Variants in ADGRV1 observed in about 807,000 individuals in gnomAD.
ADGRV1 encodes the protein adhesion G protein-coupled receptor V1.
ADGRV1 carries 359 observed loss-of-function variants against 596.2 expected under a neutral mutation model. The observed-to-expected ratio is 0.60, with a 90% confidence interval of 0.55 to 0.66. The LOEUF is 0.66. ADGRV1 is among the 30% of genes least tolerant of loss of function. The pLI is 0.00. For missense variants in ADGRV1, 7,274 were observed against 7,575.6 expected, an observed-to-expected ratio of 0.96 and a Z score of 1.48; for synonymous variants, 2,681 against 2,679.2, an observed-to-expected ratio of 1.00 and a Z score of -0.02.
chr5:90,600,060 A>T (rs916603263), intron 1 of ADGRV1, among the ~76,000 whole-genome samples: 2 of 152,210 alleles, frequency 1.3e-5, no homozygotes, highest in Non-Finnish European at 2.9e-5. Context: ...AGATAATATG[A>T]CACGCAAATA....
intron 28 of ADGRV1, among the ~76,000 whole-genome samples, chr5:90,685,055 A>G (rs747683522): frequency 3.0e-4 from 45 of 152,314 alleles, no homozygotes; most frequent in Middle Eastern, 3.4e-3. Context: ...AATATTATGT[A>G]AAGTGATGAT....
At chr5:90,794,695 T>G (rs1036041378) in intron 70 of ADGRV1, among the ~76,000 whole-genome samples, 1 of 152,198 alleles carries the variant, frequency 6.6e-6, no homozygotes. Context: ...GCTGGCAAGA[T>G]GGCCGAATAG....
rs573726085 is a variant in ADGRV1, at chr5:90,688,455, T to G, written c.6491-1406T>G. On this transcript the variant is annotated intron_variant, in intron 29 of 89. Coordinates refer to ENST00000405460, the MANE Select transcript of ADGRV1 (RefSeq NM_032119.4). ...TCACTGCAATGTCCGCCTCCCGGGT[T>G]CAAGATTCTCCTGCCTCAGCCTTCC... 2.6e-5 allele frequency among the ~76,000 whole-genome samples: 4 copies of G among 152,260 alleles called. No individual in the cohort carries two copies. In the East Asian group the frequency reaches 7.7e-4, roughly 29 times the overall value.
chr5:91,059,915 T>C (rs1027380807), intron 85 of ADGRV1, among the ~76,000 whole-genome samples: 1 of 152,124 alleles, frequency 6.6e-6, no homozygotes, highest in Non-Finnish European at 1.5e-5. Context: ...AGTAACATCA[T>C]AGACTAGCAA....
In ADGRV1 at chr5:91,135,442, C is replaced by G. The variant is rs138479322; in HGVS notation, c.18433-14588C>G. Among the ~76,000 whole-genome samples, 1,281 of 152,266 alleles carry G rather than the reference C, an allele frequency of 8.4e-3. 9 individuals are homozygous for G. The highest frequency in any genetic ancestry group is 0.015 in the Non-Finnish European group (1,004 of 68,014). On this transcript the variant is annotated intron_variant, in intron 87 of 89. Transcript: ENST00000405460. ...AAATCTGATTACATACCTTCATACC[C>G]TCACTTACTTGGGATCTGAGTCATA...
At chr5:90,899,849 C>G (rs1318715604) in intron 83 of ADGRV1, among the ~76,000 whole-genome samples, 2 of 152,140 alleles carry the variant, frequency 1.3e-5, no homozygotes. Flanking sequence ...CAAGGTCTTC[C>G]ACCTGAGCCT....
At chr5:90,838,561 G>GAATGTCTTT (rs1378581841) in intron 77 of ADGRV1, among the ~76,000 whole-genome samples, 36 of 152,250 alleles carry the variant, frequency 2.4e-4, no homozygotes, top group African/African-American at 8.4e-4. Context: ...GTCGTCACTT[G>GAATGTCTTT]AATGTCTAAG....
At chr5:91,116,913 C>A (rs1792896911) in intron 87 of ADGRV1, among the ~76,000 whole-genome samples, 1 of 152,078 alleles carries the variant, frequency 6.6e-6, no homozygotes, top group Non-Finnish European at 1.5e-5. Flanking sequence ...TGGCTCATTA[C>A]CTTCATAAAG....
chr5:90,657,857 C>A, intron 20 of ADGRV1, 48 bp from the exon 21 acceptor site: 2 of 1,497,406 alleles, frequency 1.3e-6, no homozygotes, highest in Middle Eastern at 1.8e-4. Context: ...AAATTTAGGA[C>A]AGGACACTTG....
chr5:90,703,237 A>G (rs1748136172), intron 34 of ADGRV1, among the ~76,000 whole-genome samples: 1 of 152,194 alleles, frequency 6.6e-6, no homozygotes, highest in Admixed American at 6.5e-5. Flanking sequence ...AAGCATTTTT[A>G]TGCATGCATT....
chr5:90,613,811 A>G (rs1763007682), intron 1 of ADGRV1, among the ~76,000 whole-genome samples: 1 of 152,168 alleles, frequency 6.6e-6, no homozygotes, highest in Non-Finnish European at 1.5e-5. Context: ...GTGTCTAAGT[A>G]TAAAGCCATG....
Position 90,625,239 on chromosome 5 carries a change from A to G in ADGRV1, c.668A>G (p.Asp223Gly). The G allele has an allele frequency of 6.2e-7, 1 of 1,604,134 alleles. No homozygotes were observed. Among genetic ancestry groups the G allele is most frequent in the Non-Finnish European group, 8.5e-7 (1 of 1,171,468 alleles). The change falls in exon 6 of 90, where the codon GAC becomes GGC. Residue 223 changes from aspartate (D) to glycine (G), a missense_variant. Transcript: ENST00000405460. ...TVIYNLTVLD[D>G]EVPENDEIFL... ...ATTTATAACTTGACAGTACTCGATG[A>G]CGAGGTTGGCTAATGTTACATACCC...
intron 85 of ADGRV1, among the ~76,000 whole-genome samples, chr5:91,002,234 C>T (rs1781910325): frequency 6.6e-6 from 1 of 152,124 alleles, no homozygotes; most frequent in African/African-American, 2.4e-5. Context: ...CAATCTTACA[C>T]AGTCTATTTG....
At chr5:91,099,355 C>T (rs1385155630) in intron 86 of ADGRV1, among the ~76,000 whole-genome samples, 1 of 152,072 alleles carries the variant, frequency 6.6e-6, no homozygotes, top group Admixed American at 6.6e-5. Context: ...TCTTTTTCCT[C>T]CCTTTCCCGA....
At chr5:90,610,731 A>G (rs1762635933) in intron 1 of ADGRV1, among the ~76,000 whole-genome samples, 1 of 152,006 alleles carries the variant, frequency 6.6e-6, no homozygotes, top group Non-Finnish European at 1.5e-5. Context: ...GCGGATAAAT[A>G]TTGATGTTGA....
At chr5:90,572,928 G>A (rs1292130483) in intron 1 of ADGRV1, among the ~76,000 whole-genome samples, 1 of 152,130 alleles carries the variant, frequency 6.6e-6, no homozygotes, top group Non-Finnish European at 1.5e-5. Context: ...AAACAGACAG[G>A]TGGCATTTAA....
intron 37 of ADGRV1, 50 bp from the exon 38 acceptor site, chr5:90,706,181 T>C (rs1268911121): frequency 3.3e-6 from 5 of 1,533,412 alleles, no homozygotes; most frequent in Non-Finnish European, 4.4e-6. Flanking sequence ...GGGGATATTA[T>C]TGTAAACATT....
chr5:90,662,298 A>G (rs1284877008), intron 21 of ADGRV1, among the ~76,000 whole-genome samples: 1 of 144,742 alleles, frequency 6.9e-6, no homozygotes, highest in African/African-American at 2.6e-5. Flanking sequence ...GGTTCACGCC[A>G]TTCTCCTGCC....
chr5:90,643,662 T>A, intron 13 of ADGRV1, 141 bp from the exon 14 acceptor site: 1 of 558,702 alleles, frequency 1.8e-6, no homozygotes, highest in South Asian at 3.6e-5. Context: ...TTTAAAGAAA[T>A]GATACCACCT....
Sources: gnomAD v4.1 joint callset for allele counts (sites outside exome capture counted in the v4.1 genomes callset) on GRCh38, gnomAD v4.1.1 for gene constraint, MANE v1.5 for transcripts, NCBI Gene and HGNC (gene_info 2026-07-23, HGNC 2026-07-21) for gene names.